DLGAP2: variants seen among roughly 807,000 people sequenced by gnomAD.
DLGAP2 encodes the protein disks large-associated protein 2.
DLGAP2 carries 26 observed loss-of-function variants against 100.3 expected under a neutral mutation model. The observed-to-expected ratio is 0.26, with a 90% confidence interval of 0.19 to 0.36. The LOEUF is 0.36. Ranked by LOEUF, DLGAP2 falls within the 10% of genes least tolerant of loss-of-function variation. The pLI, the probability that DLGAP2 is intolerant of heterozygous loss-of-function variation, is 1.00. For synonymous variants in DLGAP2, 886 were observed against 630.1 expected, an observed-to-expected ratio of 1.41 and a Z score of -6.08; for missense variants, 1,858 against 1,453.2, an observed-to-expected ratio of 1.28 and a Z score of -4.53.
At chr8:1,023,119 G>C (rs12675071) in intron 2 of DLGAP2, among the ~76,000 whole-genome samples, 6 of 152,168 alleles carry the variant, frequency 3.9e-5, no homozygotes, top group Admixed American at 2.0e-4. Flanking sequence ...AGGCATTGGC[G>C]TGATGCCGAT....
intron 8 of DLGAP2, among the ~76,000 whole-genome samples, chr8:1,639,768 C>G (rs1318496569): frequency 2.0e-5 from 3 of 152,228 alleles, no homozygotes; most frequent in African/African-American, 7.2e-5. Flanking sequence ...CCTCCTCAAG[C>G]TTCTGGAGTT....
At chr8:942,940 C>T (rs576332099) in intron 2 of DLGAP2, among the ~76,000 whole-genome samples, 3 of 152,184 alleles carry the variant, frequency 2.0e-5, no homozygotes, top group Non-Finnish European at 4.4e-5. Flanking sequence ...TCCAGTGATG[C>T]GTTGCAAGGG....
chr8:948,445 C>A (rs1471576203), intron 2 of DLGAP2, among the ~76,000 whole-genome samples: 1 of 152,224 alleles, frequency 6.6e-6, no homozygotes, highest in African/African-American at 2.4e-5. Flanking sequence ...CCCCTTCCTT[C>A]CTCAGGCCCG....
chr8:1,308,950 G>T (rs1287691027), intron 3 of DLGAP2, among the ~76,000 whole-genome samples: 1 of 152,066 alleles, frequency 6.6e-6, no homozygotes, highest in Admixed American at 6.5e-5. Flanking sequence ...AGACATTCTG[G>T]AGAAAAATAA....
chr8:1,633,095 C>T (rs376309870), intron 8 of DLGAP2, 49 bp downstream of exon 8: 2 of 1,588,224 alleles, frequency 1.3e-6, no homozygotes, highest in African/African-American at 2.7e-5. Context: ...TAGAGGCATA[C>T]CTGTCTTCAT....
Position 1,623,579 on chromosome 8 carries a change from A to G in DLGAP2, c.1443-3161A>G, listed in dbSNP as rs554476005. On this transcript the variant is annotated intron_variant, in intron 6 of 14. Coordinates refer to ENST00000637795, the MANE Select transcript of DLGAP2 (RefSeq NM_001346810.2). ...CCTGGCACCAGTGCGTGATGACCTG[A>G]CACCAGTGTGTGATGACCTGGCACC... Among the ~76,000 whole-genome samples the G allele has an allele frequency of 1.2e-3, 156 of 135,102 alleles. 2 individuals carry two copies. Among genetic ancestry groups the G allele is most frequent in the Middle Eastern group, 9.1e-3 (2 of 220 alleles). 88.6% of individuals were successfully genotyped at this position (135,102 alleles called of 152,430 possible).
At chr8:977,747 G>A (rs867966263) in intron 2 of DLGAP2, among the ~76,000 whole-genome samples, 72 of 135,560 alleles carry the variant, frequency 5.3e-4, no homozygotes, top group Non-Finnish European at 7.1e-4. Context: ...TGCAGTGAGG[G>A]GCTGGGTTCT....
At chr8:1,010,559 C>T (rs1417846518) in intron 2 of DLGAP2, among the ~76,000 whole-genome samples, 1 of 152,216 alleles carries the variant, frequency 6.6e-6, no homozygotes, top group Admixed American at 6.5e-5. Flanking sequence ...AAGAGTAGAG[C>T]CATTTTACTG....
At chr8:1,057,192 A>G (rs1028024422) in intron 2 of DLGAP2, among the ~76,000 whole-genome samples, 24 of 152,354 alleles carry the variant, frequency 1.6e-4, no homozygotes, top group Admixed American at 1.2e-3. Context: ...TTCCCTTGAG[A>G]TATGCATCGG....
chr8:1,005,318 A>G (rs888638508), intron 2 of DLGAP2, among the ~76,000 whole-genome samples: 1 of 152,080 alleles, frequency 6.6e-6, no homozygotes, highest in Non-Finnish European at 1.5e-5. Context: ...AGAGAATGTC[A>G]TAGAAAAGGG....
chr8:1,504,127 C>A (rs930182222), intron 4 of DLGAP2, among the ~76,000 whole-genome samples: 1 of 151,390 alleles, frequency 6.6e-6, no homozygotes, highest in Non-Finnish European at 1.5e-5. Context: ...TAAAAACATA[C>A]CAGTGCCCAG....
chr8:1,542,929 A>C (rs1426290361), intron 4 of DLGAP2, among the ~76,000 whole-genome samples: 2 of 152,094 alleles, frequency 1.3e-5, no homozygotes, highest in Non-Finnish European at 2.9e-5. Context: ...GTGGTACCGC[A>C]CTGTGGTTTT....
At chr8:1,596,532 C>T in intron 6 of DLGAP2, among the ~76,000 whole-genome samples, 1 of 152,186 alleles carries the variant, frequency 6.6e-6, no homozygotes. Flanking sequence ...TCTCCAACAT[C>T]TGTTGTTTCC....
chr8:1,299,103 C>T (rs1487135304), intron 3 of DLGAP2, among the ~76,000 whole-genome samples: 2 of 152,188 alleles, frequency 1.3e-5, no homozygotes, highest in Non-Finnish European at 2.9e-5. Flanking sequence ...GGATTACTGA[C>T]ATCTAAATGT....
chr8:1,561,621 C>A (rs1240102984), intron 5 of DLGAP2, among the ~76,000 whole-genome samples: 1 of 152,160 alleles, frequency 6.6e-6, no homozygotes, highest in Non-Finnish European at 1.5e-5. Flanking sequence ...CTTGGGGGTG[C>A]TACAGCTGTG....
chr8:1,041,841 G>T (rs752570440), intron 2 of DLGAP2, among the ~76,000 whole-genome samples: 3 of 152,108 alleles, frequency 2.0e-5, no homozygotes, highest in Admixed American at 6.5e-5. Flanking sequence ...CCGTGGGTCA[G>T]CGTTCTCCGA....
At chr8:1,226,451 C>G (rs1301747414) in intron 2 of DLGAP2, among the ~76,000 whole-genome samples, 1 of 151,998 alleles carries the variant, frequency 6.6e-6, no homozygotes, top group Non-Finnish European at 1.5e-5. Context: ...GGGAGGAGAA[C>G]AACACACACA....
intron 2 of DLGAP2, among the ~76,000 whole-genome samples, chr8:930,127 G>A (rs1433944694): frequency 2.0e-5 from 3 of 152,068 alleles, no homozygotes; most frequent in African/African-American, 7.2e-5. Context: ...CAGACCTGGC[G>A]ACCCTGGCCT....
At chr8:1,173,972 G>A (rs112225019) in intron 2 of DLGAP2, among the ~76,000 whole-genome samples, 2 of 152,120 alleles carry the variant, frequency 1.3e-5, no homozygotes, top group African/African-American at 2.4e-5. Context: ...CTTCTGTGTC[G>A]CTCACGCTGG....
Sources: allele counts gnomAD v4.1 joint callset (sites outside exome capture counted in the v4.1 genomes callset), GRCh38; gene constraint gnomAD v4.1.1; transcripts MANE v1.5; gene names NCBI Gene and HGNC (gene_info 2026-07-23, HGNC 2026-07-21).